Variants in KLF12 observed in about 807,000 individuals in gnomAD.
KLF12 encodes the protein Krueppel-like factor 12.
KLF12 carries 9 observed loss-of-function variants against 37.8 expected under a neutral mutation model. That is an observed-to-expected ratio of 0.24 (90% CI 0.14 to 0.42). KLF12 has a LOEUF of 0.42. KLF12 is among the 10% of genes least tolerant of loss of function. The pLI is 1.00. For missense variants in KLF12, 411 were observed against 516.0 expected, an observed-to-expected ratio of 0.80 and a Z score of 1.97; for synonymous variants, 208 against 202.1, an observed-to-expected ratio of 1.03 and a Z score of -0.25.
At chr13:74,253,856 A>T in the KLF12 span, among the ~76,000 whole-genome samples, 1 of 152,218 alleles carries the variant, frequency 6.6e-6, no homozygotes, top group Non-Finnish European at 1.5e-5. Flanking sequence ...TGTACCCAGT[A>T]TGTGAGCTCC....
chr13:74,092,182 A>G (rs1030661832), intron 1 of KLF12, among the ~76,000 whole-genome samples: 22 of 151,488 alleles, frequency 1.5e-4, no homozygotes, highest in African/African-American at 5.1e-4. Context: ...CTGTAGTCCC[A>G]GCTATCTGGG....
the KLF12 span, among the ~76,000 whole-genome samples, chr13:74,251,915 G>T: frequency 6.6e-6 from 1 of 152,128 alleles, no homozygotes; most frequent in Non-Finnish European, 1.5e-5. Flanking sequence ...AAGCGGGCAG[G>T]GTCAGAGCTT....
chr13:74,137,742 T>C (rs1402780950), upstream of KLF12, among the ~76,000 whole-genome samples: 4 of 152,058 alleles, frequency 2.6e-5, no homozygotes, highest in Admixed American at 1.3e-4. Context: ...AAAATCTTTT[T>C]TTATTTTTTA....
At chr13:73,738,808 C>T (rs1300429523) in intron 6 of KLF12, among the ~76,000 whole-genome samples, 1 of 152,152 alleles carries the variant, frequency 6.6e-6, no homozygotes, top group Non-Finnish European at 1.5e-5. Flanking sequence ...GGACTGCCGG[C>T]CATCTGTTGA....
At chr13:74,296,401 C>T in the KLF12 span, among the ~76,000 whole-genome samples, 3 of 151,984 alleles carry the variant, frequency 2.0e-5, no homozygotes, top group African/African-American at 4.8e-5. Flanking sequence ...AGCCTGGTTT[C>T]GTCTTAAACA....
the KLF12 span, among the ~76,000 whole-genome samples, chr13:74,154,166 C>T: frequency 7.6e-3 from 1,117 of 146,606 alleles, 16 homozygotes; most frequent in African/African-American, 0.026. Flanking sequence ...ACCTGGGAGG[C>T]AGAGGTTGCA....
At chr13:73,895,591 T>C (rs960868849) in intron 3 of KLF12, among the ~76,000 whole-genome samples, 2 of 152,012 alleles carry the variant, frequency 1.3e-5, no homozygotes, top group African/African-American at 4.8e-5. Flanking sequence ...GGTTACAGGG[T>C]GAATTATGAA....
intron 3 of KLF12, among the ~76,000 whole-genome samples, chr13:73,882,507 TAA>T (rs1282121640): frequency 2.6e-5 from 4 of 152,202 alleles, no homozygotes; most frequent in African/African-American, 9.6e-5. Flanking sequence ...AATAAACATG[TAA>T]AGAGTTTTAA....
intron 5 of KLF12, among the ~76,000 whole-genome samples, chr13:73,793,693 T>C (rs1881813365): frequency 6.6e-6 from 1 of 152,252 alleles, no homozygotes; most frequent in Admixed American, 6.5e-5. Context: ...TCTTCTTTAA[T>C]AGTTTGATTA....
the KLF12 span, among the ~76,000 whole-genome samples, chr13:74,246,607 C>G: frequency 6.6e-6 from 1 of 152,230 alleles, no homozygotes; most frequent in African/African-American, 2.4e-5. Context: ...ATGTGAGGAA[C>G]ACATCAACTC....
At chr13:73,894,165 G>A (rs1278689382) in intron 3 of KLF12, among the ~76,000 whole-genome samples, 2 of 152,106 alleles carry the variant, frequency 1.3e-5, no homozygotes, top group Non-Finnish European at 2.9e-5. Context: ...GCAAGCAGAC[G>A]GGACATAGTT....
the KLF12 span, among the ~76,000 whole-genome samples, chr13:74,234,170 A>G: frequency 6.6e-6 from 1 of 152,188 alleles, no homozygotes; most frequent in Non-Finnish European, 1.5e-5. Context: ...AATAAAGTCT[A>G]TTAAAAATAA....
the KLF12 span, among the ~76,000 whole-genome samples, chr13:74,271,770 A>G: frequency 6.6e-6 from 1 of 152,176 alleles, no homozygotes; most frequent in East Asian, 1.9e-4. Context: ...CAGGTATGGT[A>G]TACACAATGT....
intron 1 of KLF12, among the ~76,000 whole-genome samples, chr13:74,077,884 T>TAA (rs1244628250): frequency 6.6e-6 from 1 of 152,218 alleles, no homozygotes; most frequent in Non-Finnish European, 1.5e-5. Flanking sequence ...TTCTCATCTA[T>TAA]AAGAGGGAGA....
chr13:73,895,932 T>C (rs1887748250), intron 3 of KLF12, among the ~76,000 whole-genome samples: 1 of 151,794 alleles, frequency 6.6e-6, no homozygotes, highest in African/African-American at 2.4e-5. Flanking sequence ...GTGATTCTCC[T>C]ACCTCAGCCT....
intron 3 of KLF12, among the ~76,000 whole-genome samples, chr13:73,858,141 TAA>T (rs1339444350): frequency 5.3e-5 from 8 of 152,316 alleles, no homozygotes; most frequent in African/African-American, 1.9e-4. Flanking sequence ...TTTAAAATTT[TAA>T]AAGTCATATT....
At chr13:74,272,194 GACTTAT>G in the KLF12 span, among the ~76,000 whole-genome samples, 2 of 151,974 alleles carry the variant, frequency 1.3e-5, no homozygotes. Context: ...TCTAGTCTTG[GACTTAT>G]ACTTCTACCA....
chr13:73,926,336 A>G (rs1000928843), intron 3 of KLF12, among the ~76,000 whole-genome samples: 1 of 152,258 alleles, frequency 6.6e-6, no homozygotes, highest in Admixed American at 6.5e-5. Flanking sequence ...CTCCAGAAGC[A>G]AAAAGATGAA....
At chr13:73,765,947 C>A (rs981153009) in intron 5 of KLF12, among the ~76,000 whole-genome samples, 1 of 152,154 alleles carries the variant, frequency 6.6e-6, no homozygotes, top group African/African-American at 2.4e-5. Flanking sequence ...GTAAGAAACC[C>A]AGTTCTCTGT....
Sources: gnomAD v4.1 joint callset for allele counts (sites outside exome capture counted in the v4.1 genomes callset) on GRCh38, gnomAD v4.1.1 for gene constraint, MANE v1.5 for transcripts, NCBI Gene and HGNC (gene_info 2026-07-23, HGNC 2026-07-21) for gene names.